Variants in RPL12 observed in about 807,000 individuals in gnomAD.
The protein encoded by RPL12 is large ribosomal subunit protein uL11.
In RPL12, 10 loss-of-function variants were observed where a neutral mutation model predicts 24.5. The ratio of observed to expected loss-of-function variants is 0.41; its 90% confidence interval spans 0.25 to 0.69. The LOEUF is 0.69. Ranked by LOEUF, RPL12 falls within the 30% of genes least tolerant of loss-of-function variation. RPL12 has a pLI of 0.33. For missense variants in RPL12, 137 were observed against 205.3 expected, an observed-to-expected ratio of 0.67 and a Z score of 2.03; for synonymous variants, 74 against 76.1, an observed-to-expected ratio of 0.97 and a Z score of 0.14.
chr9:127,449,450 C>T, intron 3 of RPL12, 88 bp from the exon 4 acceptor site: 2 of 1,382,420 alleles, frequency 1.4e-6, no homozygotes, highest in African/African-American at 1.4e-5. Context: ...CACACACTGT[C>T]CAAGTCTTTG....
At position 127,450,764 on chromosome 9, in the gene RPL12, A is replaced by C; in HGVS notation, c.78T>G (p.Ser26=). ...RCTGGEVGAT[S]ALAPKIGPLG... ...GGGGGCCGATCTTGGGGGCCAGGGCAGAAGTGGCACCGACTTCACCTCCGG... is the reference window on the plus strand; with the variant it reads ...GGGGGCCGATCTTGGGGGCCAGGGCCGAAGTGGCACCGACTTCACCTCCGG... The change falls in exon 2 of 7, where the codon TCT becomes TCG. Residue 26 remains serine (S), a synonymous_variant. Transcript: ENST00000361436. 1 of 1,585,650 alleles carries C rather than the reference A, an allele frequency of 6.3e-7. No individual in the cohort carries two copies. Among genetic ancestry groups the C allele is most frequent in the Non-Finnish European group, 8.6e-7 (1 of 1,167,506 alleles).
intron 5 of RPL12, 68 bp downstream of exon 5, chr9:127,448,269 G>A: frequency 1.5e-6 from 2 of 1,304,492 alleles, no homozygotes; most frequent in South Asian, 1.2e-5. Context: ...CTTCAAGTAA[G>A]AAGAATGTTA....
At position 127,451,345 on chromosome 9, in the gene RPL12, C is replaced by T. The variant is rs372706812; in HGVS notation, c.-28G>A. Reference sequence around the variant, plus strand: ...TGGAGGCGGCTGGTGTCGGATGAACCCGGATTCGGGACGACCGAAGGAAGT... The same window carrying T: ...TGGAGGCGGCTGGTGTCGGATGAACTCGGATTCGGGACGACCGAAGGAAGT... On this transcript the variant is annotated 5_prime_UTR_variant, in exon 1 of 7. Coordinates refer to ENST00000361436, the MANE Select transcript of RPL12 (RefSeq NM_000976.4). The T allele has an allele frequency of 6.2e-7, 1 of 1,611,458 alleles. No homozygotes were observed. Among genetic ancestry groups the T allele is most frequent in the Non-Finnish European group, 8.5e-7 (1 of 1,179,854 alleles).
chr9:127,448,323 T>TGTCCTGCTCTTACCAG lies in RPL12; in HGVS notation c.377_379+13dup. ...AACTACAGTTATGGCGGTTACATGT[T>TGTCCTGCTCTTACCAG]GTCCTGCTCTTACCAGAGAGTTCTC... On this transcript the variant is annotated intron_variant, in intron 5 of 6. Coordinates refer to ENST00000361436, the MANE Select transcript of RPL12 (RefSeq NM_000976.4). The TGTCCTGCTCTTACCAG allele has an allele frequency of 6.3e-7, 1 of 1,592,046 alleles. No individual in the cohort carries two copies. The highest frequency in any genetic ancestry group is 8.6e-7 in the Non-Finnish European group (1 of 1,159,972).
chr9:127,448,047 G>A (rs1834203392), intron 5 of RPL12, 58 bp from the exon 6 acceptor site: 1 of 1,542,496 alleles, frequency 6.5e-7, no homozygotes, highest in Non-Finnish European at 8.7e-7. Flanking sequence ...ACAATCTGCA[G>A]ATACTGGGGA....
At chr9:127,449,529 C>A (rs1834232629) in intron 3 of RPL12, 81 bp downstream of exon 3, 2 of 1,399,388 alleles carry the variant, frequency 1.4e-6, no homozygotes, top group South Asian at 1.2e-5. Context: ...CCACTGGTGG[C>A]AGAAATACTC....
chr9:127,448,455 A>G (rs748902530), intron 4 of RPL12, 32 bp from the exon 5 acceptor site: 26 of 1,452,464 alleles, frequency 1.8e-5, no homozygotes, highest in Admixed American at 1.5e-4. Flanking sequence ...AAGCTCTTTT[A>G]AAGTCTGAAG....
rs551222361 is a variant in RPL12 at position 127,448,194 on chromosome 9, C to G, written c.379+143G>C. The G allele has an allele frequency of 2.1e-5, 20 of 964,952 alleles. No individual in the cohort carries two copies. The African/African-American group carries it at 3.1e-4, about 15-fold the overall frequency. The allele number at this position is 964,952 out of a possible 1,614,324, so 59.8% of individuals were successfully genotyped here. A position where few individuals can be genotyped will look rare whatever the true frequency, so the allele number is the denominator to read the frequency against. On this transcript the variant is annotated intron_variant, in intron 5 of 6. Transcript: ENST00000361436. ...TCCTTGATGCCCAGATTAAACACATCCAATTTACGATCCATCCTTTCAGTC... is the reference window on the plus strand; with the variant it reads ...TCCTTGATGCCCAGATTAAACACATGCAATTTACGATCCATCCTTTCAGTC...
chr9:127,447,729 G>A lies in RPL12; in HGVS notation c.493-3C>T. On this transcript the variant is annotated splice_polypyrimidine_tract_variant and splice_region_variant and intron_variant, in intron 6 of 6. Coordinates refer to ENST00000361436, the MANE Select transcript of RPL12 (RefSeq NM_000976.4). ...AATGTTTTCCTTTGTGCTTAACTCT[G>A]TGGGAAAGAAAAAAAAAATCAGTAA... is the stretch of plus-strand genomic sequence containing the variant. 1 of 1,613,280 alleles carries A rather than the reference G, an allele frequency of 6.2e-7. No homozygotes were observed. Among genetic ancestry groups the A allele is most frequent in the Non-Finnish European group, 8.5e-7 (1 of 1,179,782 alleles).
Position 127,448,371 on chromosome 9 carries a change from C to T in RPL12, c.345G>A (p.Gln115=), listed in dbSNP as rs1040680896. 3 of 1,613,940 alleles carry T rather than the reference C, an allele frequency of 1.9e-6. No individual in the cohort carries two copies. Among genetic ancestry groups the T allele is most frequent in the South Asian group, 2.2e-5 (2 of 91,088 alleles). ...TFDEIVNIAR[Q]MRHRSLAREL... is the part of the protein sequence containing the mutation. ...CTCTGGCTAAGGATCGGTGCCGCAT[C>T]TGTCGAGCAATGTTGACAATCTCAT... Residue 115 remains glutamine, a synonymous_variant, in exon 5 of 7, where the codon CAG becomes CAA. Transcript: ENST00000361436.
Position 127,451,319 on chromosome 9 carries a change from G to A in RPL12, c.-2C>T, listed in dbSNP as rs1834307294. The A allele has an allele frequency of 1.2e-6, 2 of 1,612,610 alleles. No homozygotes were observed. The highest frequency in any genetic ancestry group is 1.7e-6 in the Non-Finnish European group (2 of 1,179,980). ...GTTGGGGTCGAACTTCGGCGGCATG[G>A]TGGAGGCGGCTGGTGTCGGATGAAC... On this transcript the variant is annotated 5_prime_UTR_variant, in exon 1 of 7. Transcript: ENST00000361436.
At chr9:127,451,130 G>C (rs979839526) in intron 1 of RPL12, 151 bp downstream of exon 1, 1 of 1,089,672 alleles carries the variant, frequency 9.2e-7, no homozygotes, top group Non-Finnish European at 1.3e-6. Context: ...CTAAGGCCCA[G>C]AAAGGCTGAG....
chr9:127,448,124 GAGTTCCATCT>G, intron 5 of RPL12, 135 bp from the exon 6 acceptor site: 1 of 1,186,296 alleles, frequency 8.4e-7, no homozygotes. Flanking sequence ...ATAGAATATA[GAGTTCCATCT>G]AGTTCCATAA....
At chr9:127,447,778 CCCACCAGTAA>C in intron 6 of RPL12, 52 bp from the exon 7 acceptor site, 2 of 1,613,132 alleles carry the variant, frequency 1.2e-6, no homozygotes, top group Non-Finnish European at 1.7e-6. Flanking sequence ...ATTATCCCAC[CCCACCAGTAA>C]CCATTTCCAA....
chr9:127,450,445 A>C (rs1834269613), intron 2 of RPL12: 1 of 363,288 alleles, frequency 2.8e-6, no homozygotes. Flanking sequence ...TTGGCTGCCC[A>C]ATGTCTCTAA....
Position 127,447,989 on chromosome 9 carries a change from C to A in RPL12, c.380G>T (p.Gly127Val). The change falls in exon 6 of 7, where the codon GGA becomes GTA. Residue 127 changes from glycine to valine, a missense_variant and splice_region_variant. This residue lies in a region of RPL12 where 118 missense variants were observed against 160.7 expected (regional missense o/e 0.73). Transcript: ENST00000361436. ...RHRSLARELSGTIKEILGTAQ... is the reference protein window; with the variant it reads ...RHRSLARELSVTIKEILGTAQ... ...AGTCCCCAGGATCTCTTTAATGGTT[C>A]CTTTAAGTAAAGAAATGGTGGCATT... is the stretch of plus-strand genomic sequence containing the variant. The A allele has an allele frequency of 6.2e-7, 1 of 1,601,362 alleles. No homozygotes were observed.
intron 1 of RPL12, 37 bp downstream of exon 1, chr9:127,451,232 GCCGAGGGATGCT>G: frequency 6.2e-7 from 1 of 1,604,570 alleles, no homozygotes; most frequent in Non-Finnish European, 8.5e-7. Flanking sequence ...GCGCGGCAGG[GCCGAGGGATGCT>G]CCATCCCGCA....
At position 127,449,029 on chromosome 9, in the gene RPL12, G is replaced by A. The variant is rs569130253; in HGVS notation, c.292+252C>T. On this transcript the variant is annotated intron_variant, in intron 4 of 6. Transcript: ENST00000361436. ...TTTGGTGGAGATGGGGTTTCACCAT[G>A]TTGGCCAGGCTGGTCTCGAACTCCT... 3.0e-5 allele frequency: 12 copies of A among 400,410 alleles called. No homozygotes were observed. The East Asian group carries it at 6.5e-4, about 22-fold the overall frequency. The allele number at this position is 400,410 out of a possible 1,614,324, so 24.8% of individuals were successfully genotyped here.
chr9:127,450,587 A>C, intron 2 of RPL12, 144 bp downstream of exon 2: 1 of 595,788 alleles, frequency 1.7e-6, no homozygotes, highest in Non-Finnish European at 3.0e-6. Flanking sequence ...TTCCTAAGGT[A>C]CCTAGTACTT....
Sources: gnomAD v4.1 joint callset for allele counts on GRCh38, gnomAD v4.1.1 for gene constraint, gnomAD v4.1.1 regional missense constraint, MANE v1.5 for transcripts, NCBI Gene and HGNC (gene_info 2026-07-23, HGNC 2026-07-21) for gene names.